The following HS6ST2 variants were observed in gnomAD, a reference collection of about 807,000 sequenced individuals.
The protein encoded by HS6ST2 is heparan sulfate 6-O-sulfotransferase 2.
A neutral mutation model predicts 33.0 loss-of-function variants in HS6ST2; 17 were observed. That is an observed-to-expected ratio of 0.52 (90% CI 0.35 to 0.77). The LOEUF is 0.77. HS6ST2 is among the 30% of genes least tolerant of loss of function. The pLI is 0.01. For missense variants in HS6ST2, 519 were observed against 551.7 expected (o/e 0.94, Z 0.59); for synonymous variants, 248 against 237.1 (o/e 1.05, Z -0.42).
Position 132,793,349 on chromosome X carries a change from T to G in HS6ST2, c.948-84855A>C, listed in dbSNP as rs993085243. On this transcript the variant is annotated intron_variant, in intron 2 of 4. Transcript: ENST00000370833. ...GTACTGGGATTACAGCATGAGCCAC[T>G]GCGCCCAGCCCAAATCAACTCTTTT... is the stretch of plus-strand genomic sequence containing the variant. Among the ~76,000 whole-genome samples the G allele has an allele frequency of 3.6e-5, 4 of 110,646 alleles. No individual in the cohort carries two copies. In the East Asian group the frequency reaches 1.1e-3, roughly 32 times the overall value.
At chrX:132,730,485 G>C (rs73638576) in intron 2 of HS6ST2, among the ~76,000 whole-genome samples, 421 of 112,350 alleles carry the variant, frequency 3.7e-3, no homozygotes, top group Middle Eastern at 0.028. Context: ...TCAGCTTCCC[G>C]AGAACATCTT....
At chrX:132,929,427 C>T (rs2066742812) in intron 2 of HS6ST2, among the ~76,000 whole-genome samples, 1 of 110,302 alleles carries the variant, frequency 9.1e-6, no homozygotes, top group Non-Finnish European at 1.9e-5. Context: ...TAATTTGAGG[C>T]TGCAGTGAGC....
At chrX:132,693,408 T>C (rs1005518910) in intron 3 of HS6ST2, among the ~76,000 whole-genome samples, 9 of 111,660 alleles carry the variant, frequency 8.1e-5, no homozygotes, top group African/African-American at 2.9e-4. Context: ...CAAAAGGATC[T>C]AGGAATAAAG....
chrX:132,873,171 GCT>G (rs1480309904), intron 2 of HS6ST2, among the ~76,000 whole-genome samples: 3 of 111,888 alleles, frequency 2.7e-5, no homozygotes, highest in Non-Finnish European at 5.6e-5. Context: ...GGCACTAATT[GCT>G]CTGTTTTACT....
At chrX:132,665,170 T>G (rs1168529425) in intron 4 of HS6ST2, among the ~76,000 whole-genome samples, 2 of 112,119 alleles carry the variant, frequency 1.8e-5, no homozygotes, top group Non-Finnish European at 3.8e-5. Flanking sequence ...ATGATTCTAA[T>G]TTTTCCAAAA....
At chrX:132,773,914 ACT>A (rs1206496151) in intron 2 of HS6ST2, among the ~76,000 whole-genome samples, 1 of 111,860 alleles carries the variant, frequency 8.9e-6, no homozygotes, top group Non-Finnish European at 1.9e-5. Flanking sequence ...TGGTGGCACA[ACT>A]CTGAATAAAC....
chrX:132,909,273 A>G (rs1452219644), intron 2 of HS6ST2, among the ~76,000 whole-genome samples: 2 of 112,591 alleles, frequency 1.8e-5, no homozygotes, highest in Non-Finnish European at 3.7e-5. Flanking sequence ...GAAAATGCCA[A>G]AATTTTAATG....
At chrX:132,711,520 G>A (rs751518384) in intron 2 of HS6ST2, among the ~76,000 whole-genome samples, 51 of 111,292 alleles carry the variant, frequency 4.6e-4, no homozygotes, top group Non-Finnish European at 6.4e-4. Context: ...GAACGAGCTT[G>A]ACAAGATGGT....
intron 2 of HS6ST2, among the ~76,000 whole-genome samples, chrX:132,784,808 C>T (rs773087634): frequency 2.7e-5 from 3 of 111,886 alleles, no homozygotes; most frequent in African/African-American, 9.7e-5. Flanking sequence ...AAAACAATCC[C>T]ACAGATTGTC....
chrX:132,661,834 A>G (rs1330577814), intron 4 of HS6ST2, among the ~76,000 whole-genome samples: 1 of 111,508 alleles, frequency 9.0e-6, no homozygotes, highest in African/African-American at 3.3e-5. Context: ...GTTTGAGACC[A>G]GCCTGGGCAA....
chrX:132,772,759 TA>T (rs1194017721), intron 2 of HS6ST2, among the ~76,000 whole-genome samples: 1 of 92,502 alleles, frequency 1.1e-5, no homozygotes, highest in Non-Finnish European at 2.0e-5. Context: ...ATACTTAATA[TA>T]ATATATAATA....
At chrX:132,644,498 T>G (rs2063627180) in intron 4 of HS6ST2, among the ~76,000 whole-genome samples, 1 of 111,195 alleles carries the variant, frequency 9.0e-6, no homozygotes, top group African/African-American at 3.3e-5. Context: ...TAACTCCCAA[T>G]TCAGTGTTTC....
intron 4 of HS6ST2, among the ~76,000 whole-genome samples, chrX:132,635,267 T>C (rs1232046213): frequency 8.9e-6 from 1 of 111,833 alleles, no homozygotes; most frequent in Non-Finnish European, 1.9e-5. Flanking sequence ...CTTTCCAGTT[T>C]CTAATAGCTC....
intron 2 of HS6ST2, among the ~76,000 whole-genome samples, chrX:132,935,098 A>G (rs2066810340): frequency 8.9e-6 from 1 of 111,992 alleles, no homozygotes; most frequent in Non-Finnish European, 1.9e-5. Context: ...ACAGATCCCT[A>G]AAACACATGA....
chrX:132,862,186 C>T (rs2065918925), intron 2 of HS6ST2, among the ~76,000 whole-genome samples: 1 of 112,146 alleles, frequency 8.9e-6, no homozygotes, highest in African/African-American at 3.2e-5. Flanking sequence ...AAATATAACA[C>T]AAGAACATCT....
At chrX:132,637,900 A>T (rs775789912) in intron 4 of HS6ST2, among the ~76,000 whole-genome samples, 6,068 of 45,162 alleles carry the variant, frequency 0.13, 419 homozygotes, top group South Asian at 0.18. Flanking sequence ...TTTTATATAT[A>T]ATATTATATA....
intron 2 of HS6ST2, among the ~76,000 whole-genome samples, chrX:132,914,686 T>TG (rs1308547767): frequency 1.8e-5 from 2 of 111,668 alleles, no homozygotes; most frequent in East Asian, 2.8e-4. Flanking sequence ...AGCCCTGACC[T>TG]GGGGGGCACA....
chrX:132,646,185 G>T (rs75277214), intron 4 of HS6ST2, among the ~76,000 whole-genome samples: 1 of 112,183 alleles, frequency 8.9e-6, no homozygotes, highest in South Asian at 3.8e-4. Flanking sequence ...GGTGGCATAA[G>T]TTCAGGAGTG....
intron 4 of HS6ST2, among the ~76,000 whole-genome samples, chrX:132,650,889 C>A (rs1171018916): frequency 9.0e-6 from 1 of 110,854 alleles, no homozygotes; most frequent in Non-Finnish European, 1.9e-5. Flanking sequence ...CTTAGCTTCC[C>A]AAGTGGCTAT....
Sources: allele counts gnomAD v4.1 joint callset (sites outside exome capture counted in the v4.1 genomes callset), GRCh38; gene constraint gnomAD v4.1.1; transcripts MANE v1.5; gene names NCBI Gene and HGNC (gene_info 2026-07-23, HGNC 2026-07-21).